Variants in ARHGAP40 observed in about 807,000 individuals in gnomAD.
ARHGAP40 encodes the protein rho GTPase-activating protein 40.
ARHGAP40 carries 43 observed loss-of-function variants against 73.5 expected under a neutral mutation model. The observed-to-expected ratio is 0.58, with a 90% confidence interval of 0.46 to 0.75. ARHGAP40 has a LOEUF of 0.75. ARHGAP40 is among the 30% of genes least tolerant of loss of function. The pLI is 0.00. For missense variants in ARHGAP40, 734 were observed against 861.8 expected (o/e 0.85, Z 1.86); for synonymous variants, 300 against 352.8 (o/e 0.85, Z 1.68).
At chr20:38,626,679 T>C (rs1601141020) in intron 2 of ARHGAP40, among the ~76,000 whole-genome samples, 1 of 152,306 alleles carries the variant, frequency 6.6e-6, no homozygotes, top group Non-Finnish European at 1.5e-5. Flanking sequence ...GTTCATTACT[T>C]TGGAGAGAAG....
intron 13 of ARHGAP40, among the ~76,000 whole-genome samples, 190 bp from the exon 14 acceptor site, chr20:38,648,452 GC>G (rs1212434581): frequency 6.6e-6 from 1 of 152,172 alleles, no homozygotes; most frequent in East Asian, 1.9e-4. Context: ...CCTCTCCCCA[GC>G]CCCTGGGTGC....
chr20:38,624,175 G>T (rs1017824267), intron 2 of ARHGAP40, among the ~76,000 whole-genome samples: 6 of 152,162 alleles, frequency 3.9e-5, no homozygotes, highest in African/African-American at 1.4e-4. Flanking sequence ...CATCTCAAAA[G>T]ATTTCTCATC....
chr20:38,615,482 C>A, intron 1 of ARHGAP40: 1 of 675,674 alleles, frequency 1.5e-6, no homozygotes. Flanking sequence ...TCCATGGCGG[C>A]GCGAGTGGCC....
exon 11 of ARHGAP40, chr20:38,643,735 C>T (rs1423131040): frequency 3.1e-6 from 4 of 1,305,862 alleles, no homozygotes; most frequent in Middle Eastern, 4.3e-4. Context: ...AAGGTGGTGG[C>T]CCGGGAACAG....
At chr20:38,629,438 A>G in intron 4 of ARHGAP40, 64 bp from the exon 5 acceptor site, 1 of 1,297,176 alleles carries the variant, frequency 7.7e-7, no homozygotes, top group Non-Finnish European at 1.0e-6. Context: ...CCCGAACCCA[A>G]GCACTTGCTT....
rs146482875 is a variant in ARHGAP40, at chr20:38,621,106, C to A, written c.138-2253C>A. On this transcript the variant is annotated intron_variant, in intron 1 of 14. Coordinates refer to ENST00000373345, the Ensembl canonical transcript of ARHGAP40. ...ATTACACCTCCAGAAACTGGGGGGA[C>A]AACAGTGAGTGAGGTCATAGGCTGA... 1.1e-4 allele frequency among the ~76,000 whole-genome samples: 16 copies of A among 152,202 alleles called. No homozygotes were observed. The East Asian group carries it at 3.1e-3, about 29-fold the overall frequency.
chr20:38,604,552 C>T (rs967192477), intron 1 of ARHGAP40, among the ~76,000 whole-genome samples: 1 of 152,008 alleles, frequency 6.6e-6, no homozygotes, highest in East Asian at 1.9e-4. Flanking sequence ...TGCGCCACCA[C>T]GCCTGGCTAA....
At chr20:38,620,728 T>G (rs893353873) in intron 1 of ARHGAP40, among the ~76,000 whole-genome samples, 5 of 152,206 alleles carry the variant, frequency 3.3e-5, no homozygotes, top group African/African-American at 1.2e-4. Flanking sequence ...TCTGTGCAAA[T>G]GCCGGAGCCG....
chr20:38,633,370 A>T (rs1328276169), intron 5 of ARHGAP40, among the ~76,000 whole-genome samples: 3 of 152,242 alleles, frequency 2.0e-5, no homozygotes, highest in African/African-American at 7.2e-5. Flanking sequence ...ATTTGATTTA[A>T]TTTCATTCTA....
chr20:38,639,121 G>C (rs1202411069), intron 8 of ARHGAP40, 106 bp from the exon 9 acceptor site: 1 of 1,170,922 alleles, frequency 8.5e-7, no homozygotes, highest in Non-Finnish European at 1.1e-6. Flanking sequence ...AGGTGCTCTT[G>C]TTGTCCCCAC....
In ARHGAP40 at chr20:38,621,298, T is replaced by G. The variant is rs8115843; in HGVS notation, c.138-2061T>G. ...CCCTTTGATTCAGCAATTCTACTTC[T>G]AGGATTCTCTTCTACTGTACAAAGG... On this transcript the variant is annotated intron_variant, in intron 1 of 14. Coordinates refer to ENST00000373345, the Ensembl canonical transcript of ARHGAP40. Among the ~76,000 whole-genome samples, 642 of 152,354 alleles carry G rather than the reference T, an allele frequency of 4.2e-3. 3 individuals are homozygous for G. Among genetic ancestry groups the G allele is most frequent in the African/African-American group, 0.015 (621 of 41,576 alleles).
chr20:38,646,243 C>T lies in ARHGAP40; in HGVS notation c.1710+56C>T. 8.0e-7 allele frequency: 1 copy of T among 1,243,098 alleles called. No individual in the cohort carries two copies. The highest frequency in any genetic ancestry group is 1.0e-6 in the Non-Finnish European group (1 of 953,132). 77.0% of individuals were successfully genotyped at this position (1,243,098 alleles called of 1,614,324 possible). On this transcript the variant is annotated intron_variant, in intron 12 of 14. Transcript: ENST00000373345. The surrounding 1 kb of genome is among the most constrained non-coding windows in gnomAD (Gnocchi z 4.5). Reference sequence around the variant, plus strand: ...AAGGGCCGAGGCGACAGGAGGGCACCTGGGGCGCGGTGCTTCCCTTCCTCC... The same window carrying T: ...AAGGGCCGAGGCGACAGGAGGGCACTTGGGGCGCGGTGCTTCCCTTCCTCC...
At chr20:38,627,686 T>TGTGTGTGTTG (rs563030698) in intron 3 of ARHGAP40, among the ~76,000 whole-genome samples, 1 of 118,794 alleles carries the variant, frequency 8.4e-6, no homozygotes, top group South Asian at 2.7e-4. Flanking sequence ...GTGTGTGTTG[T>TGTGTGTGTTG]GTGTGTGTTG....
intron 1 of ARHGAP40, among the ~76,000 whole-genome samples, chr20:38,621,292 T>G (rs970638717): frequency 1.3e-5 from 2 of 152,258 alleles, no homozygotes; most frequent in Non-Finnish European, 2.9e-5. Context: ...TCAGCAATTC[T>G]ACTTCTAGGA....
chr20:38,632,009 G>C (rs1601144378), intron 5 of ARHGAP40, among the ~76,000 whole-genome samples: 2 of 151,914 alleles, frequency 1.3e-5, no homozygotes, highest in African/African-American at 4.8e-5. Flanking sequence ...TGTTGCCCAG[G>C]CTGGAGTGCA....
At chr20:38,636,125 G>T (rs1403085453) in intron 6 of ARHGAP40, among the ~76,000 whole-genome samples, 1 of 152,208 alleles carries the variant, frequency 6.6e-6, no homozygotes, top group East Asian at 1.9e-4. Flanking sequence ...GAGGAAGTAC[G>T]CTGTGCTTCC....
chr20:38,627,747 T>A (rs2088911793), intron 3 of ARHGAP40, among the ~76,000 whole-genome samples: 1 of 151,776 alleles, frequency 6.6e-6, no homozygotes, highest in Non-Finnish European at 1.5e-5. Context: ...TCTCCCTGCC[T>A]TCCACTATGT....
At chr20:38,604,607 G>T (rs2088760196) in intron 1 of ARHGAP40, among the ~76,000 whole-genome samples, 2 of 152,048 alleles carry the variant, frequency 1.3e-5, no homozygotes, top group South Asian at 4.1e-4. Context: ...TGTTGGTCAG[G>T]CTGGTCTCGA....
intron 1 of ARHGAP40, among the ~76,000 whole-genome samples, chr20:38,613,601 G>A (rs949319945): frequency 8.5e-5 from 13 of 152,092 alleles, no homozygotes; most frequent in African/African-American, 7.2e-5. Flanking sequence ...GAAGGTCTCT[G>A]GGCCAGGTCT....
Sources: gnomAD v4.1 joint callset for allele counts (sites outside exome capture counted in the v4.1 genomes callset) on GRCh38, gnomAD v4.1.1 for gene constraint, Gnocchi (gnomAD v3.1) non-coding constraint, MANE v1.5 for transcripts, NCBI Gene and HGNC (gene_info 2026-07-23, HGNC 2026-07-21) for gene names.